Variants in RALGAPA1 observed in about 807,000 individuals in gnomAD.
RALGAPA1 encodes the protein Ral GTPase activating protein catalytic subunit alpha 1, also known as ral GTPase-activating protein subunit alpha-1.
Under a neutral mutation model 269.6 loss-of-function variants are expected in RALGAPA1, and 52 were observed. The ratio of observed to expected loss-of-function variants is 0.19; its 90% confidence interval spans 0.15 to 0.24. The LOEUF is 0.24. RALGAPA1 is among the 10% of genes least tolerant of loss of function. The probability of loss-of-function intolerance (pLI) is 1.00; values close to 1 mark genes in which losing one functional copy is unlikely to be tolerated. For synonymous variants in RALGAPA1, 817 were observed against 1,008.3 expected, an observed-to-expected ratio of 0.81 and a Z score of 3.60; for missense variants, 1,917 against 3,013.9, an observed-to-expected ratio of 0.64 and a Z score of 8.52.
intron 34 of RALGAPA1, 105 bp downstream of exon 34, chr14:35,626,985 T>C (rs767060779): frequency 8.7e-7 from 1 of 1,142,918 alleles, no homozygotes; most frequent in African/African-American, 1.7e-5. Flanking sequence ...AACTAATTGG[T>C]AGATAAAATT....
chr14:35,623,513 TAA>T (rs1297090182), intron 35 of RALGAPA1, among the ~76,000 whole-genome samples: 1 of 151,912 alleles, frequency 6.6e-6, no homozygotes, highest in African/African-American at 2.4e-5. Context: ...AAAAAAAAAT[TAA>T]AGAGGTACCA....
intron 26 of RALGAPA1, among the ~76,000 whole-genome samples, chr14:35,670,812 A>G (rs1230861212): frequency 2.0e-5 from 3 of 151,998 alleles, no homozygotes; most frequent in African/African-American, 7.2e-5. Flanking sequence ...AATCCCAGCT[A>G]TTGAAGAGGC....
intron 31 of RALGAPA1, among the ~76,000 whole-genome samples, chr14:35,642,358 T>G (rs1053442234): frequency 6.6e-6 from 1 of 152,092 alleles, no homozygotes; most frequent in Non-Finnish European, 1.5e-5. Flanking sequence ...AAGCTATTAA[T>G]AACCAGAATA....
At chr14:35,684,041 A>G (rs941142585) in intron 20 of RALGAPA1, 56 bp from the exon 21 acceptor site, 11 of 1,423,512 alleles carry the variant, frequency 7.7e-6, no homozygotes, top group Non-Finnish European at 9.7e-6. Context: ...AAAAATATTT[A>G]CGAGAGCTAA....
chr14:35,590,827 C>T (rs111642753), intron 37 of RALGAPA1, among the ~76,000 whole-genome samples: 188 of 152,240 alleles, frequency 1.2e-3, no homozygotes, highest in African/African-American at 4.1e-3. Context: ...TAGTGAAGTG[C>T]GAAGAGCTTT....
chr14:35,651,015 C>T (rs1225387024), intron 31 of RALGAPA1, among the ~76,000 whole-genome samples: 2 of 151,692 alleles, frequency 1.3e-5, no homozygotes, highest in African/African-American at 4.9e-5. Context: ...TAGTAGCTAC[C>T]ATAGTGAGCA....
chr14:35,620,588 G>A (rs1007661028), intron 35 of RALGAPA1, among the ~76,000 whole-genome samples: 3 of 152,150 alleles, frequency 2.0e-5, no homozygotes, highest in African/African-American at 7.2e-5. Flanking sequence ...ATTTGCAGAT[G>A]ACATGATCGT....
At chr14:35,593,488 C>T (rs922871246) in intron 37 of RALGAPA1, among the ~76,000 whole-genome samples, 3 of 151,912 alleles carry the variant, frequency 2.0e-5, no homozygotes, top group Non-Finnish European at 4.4e-5. Context: ...TTCTAAAATT[C>T]GTATGGAACC....
intron 31 of RALGAPA1, among the ~76,000 whole-genome samples, chr14:35,645,730 C>CAAA (rs59715478): frequency 2.2e-5 from 2 of 91,864 alleles, no homozygotes; most frequent in African/African-American, 3.4e-5. Context: ...ACTCCATCTC[C>CAAA]AAAAAAAAAA....
At chr14:35,791,347 T>TA (rs2076153898) in intron 1 of RALGAPA1, among the ~76,000 whole-genome samples, 1 of 152,192 alleles carries the variant, frequency 6.6e-6, no homozygotes, top group African/African-American at 2.4e-5. Flanking sequence ...TAAAAAGGTA[T>TA]AATCCCAGCA....
chr14:35,587,420 G>A (rs1049042907), intron 37 of RALGAPA1, among the ~76,000 whole-genome samples: 6 of 152,120 alleles, frequency 3.9e-5, no homozygotes, highest in Admixed American at 1.3e-4. Context: ...ACATGCATAC[G>A]TATGTCTACT....
chr14:35,745,763 C>CAAAAAA (rs1157650791), intron 10 of RALGAPA1, among the ~76,000 whole-genome samples: 3 of 33,112 alleles, frequency 9.1e-5, no homozygotes, highest in East Asian at 1.6e-3. Context: ...GACTCCATCT[C>CAAAAAA]AAAAAAAAAA....
chr14:35,723,210 G>T lies in RALGAPA1; in HGVS notation c.1921C>A (p.Leu641Ile). 1 of 1,613,652 alleles carries T rather than the reference G, an allele frequency of 6.2e-7. No individual in the cohort carries two copies. Among genetic ancestry groups the T allele is most frequent in the African/African-American group, 1.3e-5 (1 of 75,012 alleles). ...ANLNVYISRE[L>I]WDDLLSVLSS... ...AATACTGACAGTAAGTCATCCCAAAGTTCTCGGGAGATGTACACATTTAGG... is the reference window on the plus strand; with the variant it reads ...AATACTGACAGTAAGTCATCCCAAATTTCTCGGGAGATGTACACATTTAGG... The change falls in exon 15 of 42, where the codon CTT becomes ATT. Residue 641 changes from leucine to isoleucine, a missense_variant. Physicochemically the swap from Leu to Ile is conservative, Grantham distance 5. Around this residue, in one of 11 missense-constraint regions of RALGAPA1, gnomAD observed 40 missense variants for 112.6 expected, o/e 0.36. Coordinates refer to ENST00000680220, the MANE Select transcript of RALGAPA1 (RefSeq NM_001346249.2).
chr14:35,793,351 C>T (rs1163579303), intron 1 of RALGAPA1, among the ~76,000 whole-genome samples: 1 of 151,924 alleles, frequency 6.6e-6, no homozygotes, highest in African/African-American at 2.4e-5. Flanking sequence ...AATTCTCCCA[C>T]CTCAGCCTCC....
At position 35,757,152 on chromosome 14, in the gene RALGAPA1, CTGTT is replaced by C. The variant is rs1257379417; in HGVS notation, c.548-248_548-245del. On this transcript the variant is annotated intron_variant, in intron 6 of 41. Transcript: ENST00000680220. ...TTTTTTTTTGAGACGGAGTCTCACT[CTGTT>C]ACCCTGGCTGGAGTGCAATGAATGG... 2.0e-5 allele frequency among the ~76,000 whole-genome samples: 3 copies of C among 148,486 alleles called. No homozygotes were observed. The Admixed American group carries it at 2.0e-4, about 10-fold the overall frequency.
intron 16 of RALGAPA1, among the ~76,000 whole-genome samples, chr14:35,709,644 G>T (rs1004218504): frequency 1.3e-4 from 19 of 151,762 alleles, no homozygotes; most frequent in Admixed American, 9.2e-4. Context: ...TGGAAGCTTA[G>T]ATTACTGGTT....
intron 39 of RALGAPA1, among the ~76,000 whole-genome samples, chr14:35,563,843 C>T (rs1398689332): frequency 3.3e-5 from 5 of 152,114 alleles, no homozygotes; most frequent in Non-Finnish European, 7.4e-5. Context: ...TGGAGTTTCT[C>T]TCTTGTCGCC....
intron 1 of RALGAPA1, among the ~76,000 whole-genome samples, chr14:35,779,022 C>T (rs534932203): frequency 6.0e-4 from 91 of 152,158 alleles, no homozygotes; most frequent in African/African-American, 2.1e-3. Flanking sequence ...CAACAGGTAA[C>T]CCTAGATCTA....
chr14:35,804,567 T>C (rs1266007417), intron 1 of RALGAPA1, among the ~76,000 whole-genome samples: 1 of 137,628 alleles, frequency 7.3e-6, no homozygotes, highest in East Asian at 2.1e-4. Flanking sequence ...AGACTCCATC[T>C]CAAAAATAAA....
Sources: gnomAD v4.1 joint callset for allele counts (sites outside exome capture counted in the v4.1 genomes callset) on GRCh38, gnomAD v4.1.1 for gene constraint, gnomAD v4.1.1 regional missense constraint, MANE v1.5 for transcripts, NCBI Gene and HGNC (gene_info 2026-07-23, HGNC 2026-07-21) for gene names.